IGSF9B: variants seen among roughly 807,000 people sequenced by gnomAD.
The protein encoded by IGSF9B is protein turtle homolog B.
In IGSF9B, 48 loss-of-function variants were observed where a neutral mutation model predicts 143.7. That is an observed-to-expected ratio of 0.33 (90% CI 0.26 to 0.42). IGSF9B has a LOEUF of 0.42. Ranked by LOEUF, IGSF9B falls within the 20% of genes least tolerant of loss-of-function variation. The pLI is 1.00. For missense variants in IGSF9B, 1,706 were observed against 1,980.0 expected (o/e 0.86, Z 2.63); for synonymous variants, 903 against 833.1 (o/e 1.08, Z -1.44).
At chr11:133,916,748 T>G (rs893393938) in intron 18 of IGSF9B, among the ~76,000 whole-genome samples, 2 of 151,804 alleles carry the variant, frequency 1.3e-5, no homozygotes, top group Non-Finnish European at 2.9e-5. Flanking sequence ...GAGAGCAGAG[T>G]CTAGGAATTT....
rs2121310515 is a variant in IGSF9B at position 133,931,320 on chromosome 11, T to A, written c.1368+133A>T. 7.0e-6 allele frequency: 6 copies of A among 855,108 alleles called. No homozygotes were observed. Among genetic ancestry groups the A allele is most frequent in the Non-Finnish European group, 1.1e-5 (6 of 545,914 alleles). The allele number at this position is 855,108 out of a possible 1,614,324, so 53.0% of individuals were successfully genotyped here. On this transcript the variant is annotated intron_variant, in intron 10 of 19. Transcript: ENST00000533871. This position sits in a 1 kb window ranked among gnomAD's most constrained non-coding sequence, Gnocchi z 7.7. The stretch of plus-strand genomic sequence containing the variant: ...TAGCCTGGTCAGGGCAGGTCCAGAA[T>A]AGAACTGCTCGCTGGGCCCTCACAC...
At chr11:133,926,226 G>A (rs1350781058) in intron 13 of IGSF9B, among the ~76,000 whole-genome samples, 1 of 152,228 alleles carries the variant, frequency 6.6e-6, no homozygotes, top group African/African-American at 2.4e-5. Context: ...GCTCTTCCAG[G>A]GAGCTAGGGA....
Position 133,931,353 on chromosome 11 carries a change from C to T in IGSF9B, c.1368+100G>A. 2.2e-6 allele frequency: 2 copies of T among 926,062 alleles called. No homozygotes were observed. Among genetic ancestry groups the T allele is most frequent in the Non-Finnish European group, 3.3e-6 (2 of 603,316 alleles). The allele number at this position is 926,062 out of a possible 1,614,324, so 57.4% of individuals were successfully genotyped here. A position where few individuals can be genotyped will look rare whatever the true frequency, so the allele number is the denominator to read the frequency against. ...CTCGCTGGGCCCTCACACCTCCCCT[C>T]AGCCCCGGGGCTCGCTGGGCCCTCA... is the stretch of plus-strand genomic sequence containing the variant. On this transcript the variant is annotated intron_variant, in intron 10 of 19. Coordinates refer to ENST00000533871, the MANE Select transcript of IGSF9B (RefSeq NM_001277285.4). This position sits in a 1 kb window ranked among gnomAD's most constrained non-coding sequence, Gnocchi z 7.7.
Position 133,928,985 on chromosome 11 carries a change from A to C in IGSF9B, c.1631+686T>G, listed in dbSNP as rs2121306101. On this transcript the variant is annotated intron_variant, in intron 12 of 19. Transcript: ENST00000533871. This position sits in a 1 kb window ranked among gnomAD's most constrained non-coding sequence, Gnocchi z 4.7. ...GGGGAAAAGACAGAATAAAAACTAG[A>C]CTACAGGAGGTGGGGAGGGTGAACA... Among the ~76,000 whole-genome samples, 1 of 152,312 alleles carries C rather than the reference A, an allele frequency of 6.6e-6. No homozygotes were observed. Among genetic ancestry groups the C allele is most frequent in the Middle Eastern group, 3.4e-3 (1 of 294 alleles).
At chr11:133,915,920 G>A (rs145641440) in intron 18 of IGSF9B, among the ~76,000 whole-genome samples, 79 of 152,296 alleles carry the variant, frequency 5.2e-4, no homozygotes, top group African/African-American at 1.7e-3. Flanking sequence ...GGCCCACTGC[G>A]GGAGTCTGCA....
In IGSF9B at chr11:133,946,000, A is replaced by C; in HGVS notation, c.262+61T>G. On this transcript the variant is annotated intron_variant, in intron 2 of 19. Coordinates refer to ENST00000533871, the MANE Select transcript of IGSF9B (RefSeq NM_001277285.4). The surrounding 1 kb of genome is among the most constrained non-coding windows in gnomAD (Gnocchi z 4.6). ...CAGGACAAGGCAGGGGCCAGAGGGG[A>C]ACCACCGAGGAGCTGACTCCAGCTG... 1 of 1,196,764 alleles carries C rather than the reference A, an allele frequency of 8.4e-7. No homozygotes were observed. The highest frequency in any genetic ancestry group is 1.2e-6 in the Non-Finnish European group (1 of 851,572). The allele number at this position is 1,196,764 out of a possible 1,614,324, so 74.1% of individuals were successfully genotyped here.
At chr11:133,947,546 G>A (rs1940076253) in intron 1 of IGSF9B, among the ~76,000 whole-genome samples, 1 of 152,184 alleles carries the variant, frequency 6.6e-6, no homozygotes, top group Non-Finnish European at 1.5e-5. Context: ...GAGGAGGGCA[G>A]CACCAGCCCC....
intron 11 of IGSF9B, among the ~76,000 whole-genome samples, chr11:133,930,066 G>T (rs183729409): frequency 6.6e-6 from 1 of 152,070 alleles, no homozygotes; most frequent in East Asian, 1.9e-4. Context: ...AGCCCTCCTC[G>T]TCCTGGCCCA....
At position 133,896,887 on chromosome 11, in the gene IGSF9B, G is replaced by C. The variant is rs1179710853; in HGVS notation, c.*12182C>G. ...TGCTTAGGGCCGTAGAGCAGGCGTGGCTTTGGGGTCATCTCCAGCGGGGTC... is the reference window on the plus strand; with the variant it reads ...TGCTTAGGGCCGTAGAGCAGGCGTGCCTTTGGGGTCATCTCCAGCGGGGTC... On this transcript the variant is annotated 3_prime_UTR_variant, in exon 20 of 20. Coordinates refer to ENST00000533871, the MANE Select transcript of IGSF9B (RefSeq NM_001277285.4). The C allele has an allele frequency of 6.6e-6, 1 of 152,554 alleles. No homozygotes were observed. The highest frequency in any genetic ancestry group is 1.5e-5 in the Non-Finnish European group (1 of 68,296). The allele number at this position is 152,554 out of a possible 1,614,324, so 9.5% of individuals were successfully genotyped here. A position where few individuals can be genotyped will look rare whatever the true frequency, so the allele number is the denominator to read the frequency against.
intron 11 of IGSF9B, 135 bp from the exon 12 acceptor site, chr11:133,929,917 G>A (rs1404236567): frequency 4.8e-6 from 3 of 623,178 alleles, no homozygotes; most frequent in Non-Finnish European, 8.6e-6. Context: ...GAAGGGATGG[G>A]GGCGACGGGG....
Position 133,953,480 on chromosome 11 carries a change from T to C in IGSF9B, c.64+3211A>G, listed in dbSNP as rs919233120. On this transcript the variant is annotated intron_variant, in intron 1 of 19. Coordinates refer to ENST00000533871, the MANE Select transcript of IGSF9B (RefSeq NM_001277285.4). This position sits in a 1 kb window ranked among gnomAD's most constrained non-coding sequence, Gnocchi z 4.2. The stretch of plus-strand genomic sequence containing the variant: ...CCTGAGTGAAGTCCTTCTCAGCCGA[T>C]AGGCTCACCACGGGGTCTTGATAGC... Among the ~76,000 whole-genome samples the C allele has an allele frequency of 1.6e-4, 25 of 152,290 alleles. No homozygotes were observed. The highest frequency in any genetic ancestry group is 5.8e-4 in the African/African-American group (24 of 41,564).
rs548929829 is a variant in IGSF9B, at chr11:133,909,574, G to A, written c.4106-297C>T. On this transcript the variant is annotated intron_variant, in intron 19 of 19. Transcript: ENST00000533871. This position sits in a 1 kb window ranked among gnomAD's most constrained non-coding sequence, Gnocchi z 4.2. Reference sequence around the variant, plus strand: ...GATCAGTCTACAAATATTTCTTTTAGTGCCTCTTGAGTACTAGGCATCATT... The same window carrying A: ...GATCAGTCTACAAATATTTCTTTTAATGCCTCTTGAGTACTAGGCATCATT... Among the ~76,000 whole-genome samples, 2 of 152,248 alleles carry A rather than the reference G, an allele frequency of 1.3e-5. No homozygotes were observed. Among genetic ancestry groups the A allele is most frequent in the South Asian group, 4.1e-4 (2 of 4,824 alleles).
At chr11:133,936,303 G>C (rs767722592) in intron 5 of IGSF9B, 109 bp from the exon 6 acceptor site, 1 of 939,720 alleles carries the variant, frequency 1.1e-6, no homozygotes, top group Admixed American at 2.2e-5. Context: ...TGAACACTGC[G>C]ATGGGGGCGG....
intron 3 of IGSF9B, among the ~76,000 whole-genome samples, chr11:133,939,845 T>C (rs1013577605): frequency 6.6e-6 from 1 of 150,508 alleles, no homozygotes; most frequent in Non-Finnish European, 1.5e-5. Context: ...GCACGCGTCA[T>C]CACACGCACA....
chr11:133,952,641 C>G (rs919746970), intron 1 of IGSF9B, among the ~76,000 whole-genome samples: 3 of 149,084 alleles, frequency 2.0e-5, no homozygotes, highest in Admixed American at 2.0e-4. Flanking sequence ...CACGTATGGG[C>G]ACATGTGCAC....
Position 133,913,337 on chromosome 11 carries a change from T to A in IGSF9B, c.3984-1330A>T, listed in dbSNP as rs748919. ...AGCGGTCTGAGGTTAAAAAAAAAAA[T>A]GTTAAGAGGGATAGGAAGCCTGCAG... is the stretch of plus-strand genomic sequence containing the variant. On this transcript the variant is annotated intron_variant, in intron 18 of 19. Coordinates refer to ENST00000533871, the MANE Select transcript of IGSF9B (RefSeq NM_001277285.4). This position sits in a 1 kb window ranked among gnomAD's most constrained non-coding sequence, Gnocchi z 4.6. 1.3e-5 allele frequency among the ~76,000 whole-genome samples: 2 copies of A among 150,992 alleles called. No homozygotes were observed. The highest frequency in any genetic ancestry group is 1.9e-4 in the East Asian group (1 of 5,134).
At position 133,921,250 on chromosome 11, in the gene IGSF9B, C is replaced by T; in HGVS notation, c.2475G>A (p.Arg825=). 1 of 1,610,968 alleles carries T rather than the reference C, an allele frequency of 6.2e-7. No individual in the cohort carries two copies. The change falls in exon 18 of 20, where the codon CGG becomes CGA. Residue 825 remains arginine (R), a synonymous_variant. Coordinates refer to ENST00000533871, the MANE Select transcript of IGSF9B (RefSeq NM_001277285.4). ...KELSLYKKTK[R]AISSKKYSVA... ...CGCTGTACTTCTTGCTGCTGATGGC[C>T]CGCTTGGTCTTCTTGTACAGCGACA... is the stretch of plus-strand genomic sequence containing the variant.
chr11:133,899,016 G>A lies in IGSF9B; in HGVS notation c.*10053C>T, dbSNP rs1333058907. 1 of 152,266 alleles carries A rather than the reference G, an allele frequency of 6.6e-6. No homozygotes were observed. Among genetic ancestry groups the A allele is most frequent in the Non-Finnish European group, 1.5e-5 (1 of 68,078 alleles). The allele number at this position is 152,266 out of a possible 1,614,324, so 9.4% of individuals were successfully genotyped here. On this transcript the variant is annotated 3_prime_UTR_variant, in exon 20 of 20. Transcript: ENST00000533871. ...GGGGAAGAGGGACAGGGCCCACACT[G>A]ATCCATGGGAGAGTGATTCTCACAC...
rs758203913 is a variant in IGSF9B at position 133,912,034 on chromosome 11, A to G, written c.3984-27T>C. The G allele has an allele frequency of 5.8e-5, 87 of 1,503,434 alleles. No homozygotes were observed. In the East Asian group the frequency reaches 7.4e-4, roughly 13 times the overall value. The allele number at this position is 1,503,434 out of a possible 1,614,324, so 93.1% of individuals were successfully genotyped here. On this transcript the variant is annotated intron_variant, in intron 18 of 19. Coordinates refer to ENST00000533871, the MANE Select transcript of IGSF9B (RefSeq NM_001277285.4). ...TGGAAAGGACAACCAGAGAGCCACA[A>G]TTCAGCTCCCGGATGTGTGAGGCTT... is the stretch of plus-strand genomic sequence containing the variant.
Sources: gnomAD v4.1 joint callset for allele counts (sites outside exome capture counted in the v4.1 genomes callset) on GRCh38, gnomAD v4.1.1 for gene constraint, Gnocchi (gnomAD v3.1) non-coding constraint, MANE v1.5 for transcripts, NCBI Gene and HGNC (gene_info 2026-07-23, HGNC 2026-07-21) for gene names.